The following TCERG1 variants were observed in gnomAD, a reference collection of about 807,000 sequenced individuals.
The protein encoded by TCERG1 is TATA box binding protein (TBP)-associated factor, RNA polymerase II, S, 150kD.
A neutral mutation model predicts 144.7 loss-of-function variants in TCERG1; 37 were observed. The ratio of observed to expected loss-of-function variants is 0.26; its 90% confidence interval spans 0.20 to 0.34. The LOEUF (loss-of-function observed/expected upper bound fraction) is 0.34. TCERG1 is among the 10% of genes least tolerant of loss of function. The pLI, the probability that TCERG1 is intolerant of heterozygous loss-of-function variation, is 1.00. For missense variants in TCERG1, 1,027 were observed against 1,380.7 expected, an observed-to-expected ratio of 0.74 and a Z score of 4.06; for synonymous variants, 492 against 458.2, an observed-to-expected ratio of 1.07 and a Z score of -0.94.
chr5:146,503,626 A>G (rs572859505), intron 18 of TCERG1, 87 bp downstream of exon 18: 23 of 1,499,946 alleles, frequency 1.5e-5, no homozygotes, highest in South Asian at 2.6e-5. Context: ...GGATTTTTCT[A>G]TTGGGGGTTT....
Position 146,498,646 on chromosome 5 carries a change from G to T in TCERG1, c.2393G>T (p.Arg798Met). 1 of 1,610,724 alleles carries T rather than the reference G, an allele frequency of 6.2e-7. No homozygotes were observed. The highest frequency in any genetic ancestry group is 8.5e-7 in the Non-Finnish European group (1 of 1,178,598). ...TTTAATGAGTTTGTGGCCGCTGCTA[G>T]GAAGAAAGAGAAAGAAGATTCGAAG... is the stretch of plus-strand genomic sequence containing the variant. ...ALFNEFVAAA[R>M]KKEKEDSKTR... Residue 798 changes from arginine (R) to methionine (M), a missense_variant, in exon 17 of 23, where the codon AGG (arginine) becomes ATG (methionine). Physicochemically the swap from Arg to Met is moderately conservative, Grantham distance 91. Transcript: ENST00000679501.
intron 17 of TCERG1, 27 bp downstream of exon 17, chr5:146,498,713 T>TGA: frequency 1.9e-6 from 3 of 1,594,326 alleles, no homozygotes; most frequent in Non-Finnish European, 2.6e-6. Flanking sequence ...TCCAGTGGTG[T>TGA]GATTGATGGG....
chr5:146,459,852 A>T (rs542967484), intron 4 of TCERG1, among the ~76,000 whole-genome samples: 2 of 152,232 alleles, frequency 1.3e-5, no homozygotes, highest in Non-Finnish European at 2.9e-5. Flanking sequence ...TTCAGGTAGG[A>T]GAAGCAACAT....
intron 11 of TCERG1, 23 bp downstream of exon 11, chr5:146,479,934 G>A: frequency 6.2e-7 from 1 of 1,612,204 alleles, no homozygotes; most frequent in Non-Finnish European, 8.5e-7. Flanking sequence ...ACCATAAATT[G>A]CAGCTTCTTT....
At chr5:146,453,129 A>G (rs1329818153) in intron 1 of TCERG1, among the ~76,000 whole-genome samples, 1 of 152,162 alleles carries the variant, frequency 6.6e-6, no homozygotes, top group Non-Finnish European at 1.5e-5. Flanking sequence ...AGATAATACT[A>G]TCTCATGTGA....
chr5:146,469,993 T>A (rs1023420329), intron 7 of TCERG1, among the ~76,000 whole-genome samples: 1 of 152,228 alleles, frequency 6.6e-6, no homozygotes, highest in Non-Finnish European at 1.5e-5. Flanking sequence ...TACATATTTT[T>A]ACTGTTAGGA....
Position 146,459,126 on chromosome 5 carries a change from C to CCAGGCTCAGGCTCAGGCA in TCERG1, c.684_701dup (p.Ala237_Gln242dup). 6.2e-7 allele frequency: 1 copy of CCAGGCTCAGGCTCAGGCA among 1,601,332 alleles called. No individual in the cohort carries two copies. Among genetic ancestry groups the CCAGGCTCAGGCTCAGGCA allele is most frequent in the Admixed American group, 1.7e-5 (1 of 59,436 alleles). On this transcript the variant is annotated inframe_insertion, in exon 4 of 23. Coordinates refer to ENST00000679501, the MANE Select transcript of TCERG1 (RefSeq NM_001382548.1). ...CCCAGGCCCAAGCCCAAGCCCAGGCCCAGGCTCAGGCTCAGGCACAAGCTC... is the reference window on the plus strand; with the variant it reads ...CCCAGGCCCAAGCCCAAGCCCAGGCCCAGGCTCAGGCTCAGGCACAGGCTCAGGCTCAGGCACAAGCTC...
At chr5:146,500,891 C>T (rs188401710) in intron 17 of TCERG1, among the ~76,000 whole-genome samples, 1 of 151,804 alleles carries the variant, frequency 6.6e-6, no homozygotes, top group South Asian at 2.1e-4. Flanking sequence ...TTCTGTAGTT[C>T]CAGTTACTCT....
Position 146,499,993 on chromosome 5 carries a change from TTTTTCC to T in TCERG1, c.2433+1310_2433+1315del, listed in dbSNP as rs1305040215. 4 of 152,110 alleles carry T rather than the reference TTTTTCC, an allele frequency of 2.6e-5. No homozygotes were observed. The South Asian group carries it at 8.3e-4, about 31-fold the overall frequency. 9.4% of individuals were successfully genotyped at this position (152,110 alleles called of 1,614,324 possible). On this transcript the variant is annotated intron_variant, in intron 17 of 22. Coordinates refer to ENST00000679501, the MANE Select transcript of TCERG1 (RefSeq NM_001382548.1). Reference sequence around the variant, plus strand: ...TCCGGTACTTTACATTTTTTTAGTCTTTTTCCTTATGAAGTGATGAGAATTGTGCCC... The same window carrying T: ...TCCGGTACTTTACATTTTTTTAGTCTTTATGAAGTGATGAGAATTGTGCCC...
chr5:146,478,131 T>A (rs1765023544), intron 9 of TCERG1, among the ~76,000 whole-genome samples: 1 of 152,240 alleles, frequency 6.6e-6, no homozygotes, highest in Middle Eastern at 3.2e-3. Flanking sequence ...ATGTCTGTTC[T>A]TTAGCTTTAG....
At chr5:146,457,466 C>T in intron 3 of TCERG1, 131 bp downstream of exon 3, 1 of 886,390 alleles carries the variant, frequency 1.1e-6, no homozygotes, top group Non-Finnish European at 1.6e-6. Context: ...TGGGGTAAGA[C>T]TTCAGGAGAA....
chr5:146,506,256 C>T (rs1473093726), intron 19 of TCERG1, among the ~76,000 whole-genome samples: 2 of 152,172 alleles, frequency 1.3e-5, no homozygotes, highest in East Asian at 1.9e-4. Flanking sequence ...TGTGTTTCTT[C>T]ACATTGGCAG....
intron 1 of TCERG1, among the ~76,000 whole-genome samples, chr5:146,448,821 T>C (rs1319014701): frequency 6.6e-6 from 1 of 152,192 alleles, no homozygotes; most frequent in Non-Finnish European, 1.5e-5. Flanking sequence ...CGATGCCAAG[T>C]TTATTCCTGA....
intron 1 of TCERG1, among the ~76,000 whole-genome samples, chr5:146,448,057 G>A (rs1043127065): frequency 2.0e-5 from 3 of 152,138 alleles, no homozygotes; most frequent in Non-Finnish European, 2.9e-5. Context: ...ACTTAGGTTT[G>A]TCTCATTTAA....
At chr5:146,461,364 T>C (rs1763311118) in intron 4 of TCERG1, among the ~76,000 whole-genome samples, 1 of 152,208 alleles carries the variant, frequency 6.6e-6, no homozygotes, top group Non-Finnish European at 1.5e-5. Context: ...CCATCTATTA[T>C]ATATAGTCAC....
In TCERG1 at chr5:146,478,622, TA is replaced by T; in HGVS notation, c.1737del (p.Gly580GlufsTer5). ...VDKIIQEPPH[K>X]KGMEELKKLR... ...ACAAAATTATTCAGGAGCCCCCTCA[TA>T]AAAAAGGAATGGAGGAATTGAAGAA... On this transcript the variant is annotated frameshift_variant, in exon 10 of 23. Coordinates refer to ENST00000679501, the MANE Select transcript of TCERG1 (RefSeq NM_001382548.1). LOFTEE classifies it high-confidence loss of function. The T allele has an allele frequency of 1.2e-6, 2 of 1,602,332 alleles. No individual in the cohort carries two copies. The highest frequency in any genetic ancestry group is 1.8e-5 in the Admixed American group (1 of 56,790).
chr5:146,451,423 T>C (rs968277761), intron 1 of TCERG1, among the ~76,000 whole-genome samples: 3 of 151,060 alleles, frequency 2.0e-5, no homozygotes, highest in African/African-American at 7.3e-5. Flanking sequence ...GTCAGGTTCC[T>C]CCTGTTCTCC....
At chr5:146,450,850 T>C (rs1009766635) in intron 1 of TCERG1, among the ~76,000 whole-genome samples, 1 of 152,230 alleles carries the variant, frequency 6.6e-6, no homozygotes, top group African/African-American at 2.4e-5. Flanking sequence ...AAAGTAATGA[T>C]AGTTGAAGTA....
intron 19 of TCERG1, among the ~76,000 whole-genome samples, chr5:146,505,087 TAA>T (rs58813480): frequency 0.03 from 3,323 of 112,416 alleles, 116 homozygotes; most frequent in African/African-American, 0.096. Flanking sequence ...GCCAATGAGC[TAA>T]AAAAAAAAAA....
Sources: allele counts gnomAD v4.1 joint callset (sites outside exome capture counted in the v4.1 genomes callset), GRCh38; gene constraint gnomAD v4.1.1; transcripts MANE v1.5; gene names NCBI Gene and HGNC (gene_info 2026-07-23, HGNC 2026-07-21).